Variants in NCEH1 observed in about 807,000 individuals in gnomAD.
The protein encoded by NCEH1 is 2-acetyl MAGE hydrolase.
NCEH1 carries 9 observed loss-of-function variants against 25.4 expected under a neutral mutation model. That is an observed-to-expected ratio of 0.35 (90% CI 0.21 to 0.62). NCEH1 has a LOEUF of 0.62. Among genes scored for constraint, NCEH1 ranks in the 20% least tolerant of loss-of-function variants. The pLI is 0.72. For synonymous variants in NCEH1, 200 were observed against 199.8 expected (o/e 1.00, Z -0.01); for missense variants, 412 against 501.1 (o/e 0.82, Z 1.70).
At chr3:172,687,521 C>T (rs193018394) in intron 1 of NCEH1, among the ~76,000 whole-genome samples, 2 of 152,312 alleles carry the variant, frequency 1.3e-5, no homozygotes, top group East Asian at 3.9e-4. Context: ...ATTAAATGAG[C>T]TTTCTGTAGA....
In NCEH1 at chr3:172,683,162, G is replaced by T. The variant is rs554775258; in HGVS notation, c.138+27685C>A. Among the ~76,000 whole-genome samples the T allele has an allele frequency of 5.9e-4, 38 of 64,678 alleles. 10 individuals carry two copies. In the South Asian group the frequency reaches 0.022, roughly 37 times the overall value. 42.4% of individuals were successfully genotyped at this position (64,678 alleles called of 152,430 possible). A position where few individuals can be genotyped will look rare whatever the true frequency, so the allele number is the denominator to read the frequency against. ...CTCACGCCTGTAATCCCAGCACTTT[G>T]GGAGGCCGAGGCGGGCGGATCACGA... On this transcript the variant is annotated intron_variant, in intron 1 of 4. Coordinates refer to ENST00000475381, the MANE Select transcript of NCEH1 (RefSeq NM_020792.6).
chr3:172,700,429 A>G (rs1165503362), intron 1 of NCEH1, among the ~76,000 whole-genome samples: 1 of 152,230 alleles, frequency 6.6e-6, no homozygotes, highest in East Asian at 1.9e-4. Flanking sequence ...CTCACAGCAT[A>G]GCCCAGCAGG....
In NCEH1 at chr3:172,643,493, C is replaced by T. The variant is rs576444987; in HGVS notation, c.437+2130G>A. On this transcript the variant is annotated intron_variant, in intron 3 of 4. Transcript: ENST00000475381. ...TTGACTGCCATATGCTCATGCCTCCCATCTGGACACCATGTTGTATAGATT... is the reference window on the plus strand; with the variant it reads ...TTGACTGCCATATGCTCATGCCTCCTATCTGGACACCATGTTGTATAGATT... Among the ~76,000 whole-genome samples, 10 of 152,316 alleles carry T rather than the reference C, an allele frequency of 6.6e-5. No homozygotes were observed. In the East Asian group the frequency reaches 1.7e-3, roughly 26 times the overall value.
chr3:172,674,032 C>A (rs879305790), intron 1 of NCEH1, among the ~76,000 whole-genome samples: 3 of 152,202 alleles, frequency 2.0e-5, no homozygotes, highest in Non-Finnish European at 4.4e-5. Flanking sequence ...CCTCTCTAAG[C>A]TCACTTCCCA....
At chr3:172,704,978 T>G (rs1177081244) in intron 1 of NCEH1, among the ~76,000 whole-genome samples, 2 of 152,246 alleles carry the variant, frequency 1.3e-5, no homozygotes, top group African/African-American at 4.8e-5. Context: ...ATGTTAAGTC[T>G]AGGTAACTGA....
At chr3:172,696,372 A>G (rs891589486) in intron 1 of NCEH1, among the ~76,000 whole-genome samples, 7 of 152,246 alleles carry the variant, frequency 4.6e-5, no homozygotes, top group African/African-American at 1.7e-4. Flanking sequence ...GATAAAAGAA[A>G]AAAAAAATTA....
At chr3:172,667,620 G>T (rs990324172) in intron 1 of NCEH1, among the ~76,000 whole-genome samples, 3 of 152,204 alleles carry the variant, frequency 2.0e-5, no homozygotes, top group African/African-American at 7.2e-5. Context: ...AGGGAAAACA[G>T]TCGAACACTC....
chr3:172,699,511 G>A (rs963910300), intron 1 of NCEH1, among the ~76,000 whole-genome samples: 1 of 152,208 alleles, frequency 6.6e-6, no homozygotes, highest in African/African-American at 2.4e-5. Flanking sequence ...ATGTGTGCAA[G>A]TCAAATAAAT....
intron 3 of NCEH1, among the ~76,000 whole-genome samples, chr3:172,644,131 C>G (rs939014716): frequency 4.0e-5 from 6 of 151,560 alleles, no homozygotes; most frequent in Non-Finnish European, 7.4e-5. Context: ...TTTTGGGTGA[C>G]TCTAGGGCTT....
At chr3:172,700,748 T>G (rs80334619) in intron 1 of NCEH1, among the ~76,000 whole-genome samples, 4,985 of 152,226 alleles carry the variant, frequency 0.033, 228 homozygotes, top group African/African-American at 0.1. Context: ...TGGGATTACA[T>G]GTGTGAGCCA....
Position 172,631,103 on chromosome 3 carries a change from G to A in NCEH1, c.*2372C>T, listed in dbSNP as rs1716327277. On this transcript the variant is annotated 3_prime_UTR_variant, in exon 5 of 5. Transcript: ENST00000475381. ...ACAATGAAACTCAAGTACATTATCA[G>A]AAACAGTGGTTGACCTCTTTTTTCC... 6.8e-6 allele frequency: 1 copy of A among 147,632 alleles called. No homozygotes were observed. The highest frequency in any genetic ancestry group is 1.5e-5 in the Non-Finnish European group (1 of 65,522). The allele number at this position is 147,632 out of a possible 1,614,324, so 9.1% of individuals were successfully genotyped here. A position where few individuals can be genotyped will look rare whatever the true frequency, so the allele number is the denominator to read the frequency against.
intron 1 of NCEH1, among the ~76,000 whole-genome samples, chr3:172,655,510 G>A (rs998974418): frequency 2.0e-5 from 3 of 152,180 alleles, no homozygotes; most frequent in African/African-American, 7.2e-5. Context: ...CAGAAGGCTG[G>A]AGAAGGAGAG....
At chr3:172,638,275 C>CAAAAAAAAAAA (rs1560178436) in intron 3 of NCEH1, among the ~76,000 whole-genome samples, 2 of 81,900 alleles carry the variant, frequency 2.4e-5, no homozygotes, top group African/African-American at 8.2e-5. Context: ...GAGACTCTGT[C>CAAAAAAAAAAA]CAAAAAAAAA....
chr3:172,667,441 C>T (rs1289080585), intron 1 of NCEH1, among the ~76,000 whole-genome samples: 1 of 152,232 alleles, frequency 6.6e-6, no homozygotes, highest in East Asian at 1.9e-4. Context: ...AGGCAGATCA[C>T]ACAGGTTTAG....
chr3:172,700,186 G>A (rs1260557398), intron 1 of NCEH1, among the ~76,000 whole-genome samples: 1 of 152,058 alleles, frequency 6.6e-6, no homozygotes, highest in African/African-American at 2.4e-5. Flanking sequence ...CATCAGAGTT[G>A]GCATTCTATT....
intron 1 of NCEH1, among the ~76,000 whole-genome samples, chr3:172,660,889 A>T (rs1717943736): frequency 1.3e-5 from 2 of 152,162 alleles, no homozygotes; most frequent in South Asian, 4.2e-4. Flanking sequence ...GTCAGATGGG[A>T]AGATTGTAAA....
At position 172,657,153 on chromosome 3, in the gene NCEH1, G is replaced by A. The variant is rs187524192; in HGVS notation, c.139-9039C>T. 1.8e-3 allele frequency among the ~76,000 whole-genome samples: 278 copies of A among 152,124 alleles called. 1 individual carries two copies. Among genetic ancestry groups the A allele is most frequent in the African/African-American group, 6.4e-3 (266 of 41,482 alleles). On this transcript the variant is annotated intron_variant, in intron 1 of 4. Coordinates refer to ENST00000475381, the MANE Select transcript of NCEH1 (RefSeq NM_020792.6). Reference sequence around the variant, plus strand: ...ACTTCACAATTCCTTCTTTCCTTGAGCAAGCCAATGTACTATCATGGCAAA... The same window carrying A: ...ACTTCACAATTCCTTCTTTCCTTGAACAAGCCAATGTACTATCATGGCAAA...
chr3:172,667,705 T>G (rs1718287215), intron 1 of NCEH1, among the ~76,000 whole-genome samples: 1 of 152,164 alleles, frequency 6.6e-6, no homozygotes, highest in African/African-American at 2.4e-5. Context: ...CACTTCTTTT[T>G]CTAGATGGGT....
At chr3:172,686,894 C>T (rs1197698419) in intron 1 of NCEH1, among the ~76,000 whole-genome samples, 1 of 152,030 alleles carries the variant, frequency 6.6e-6, no homozygotes, top group African/African-American at 2.4e-5. Context: ...CCCATTTTTT[C>T]TTGGGGGAGG....
Sources: gnomAD v4.1 joint callset for allele counts (sites outside exome capture counted in the v4.1 genomes callset) on GRCh38, gnomAD v4.1.1 for gene constraint, MANE v1.5 for transcripts, NCBI Gene and HGNC (gene_info 2026-07-23, HGNC 2026-07-21) for gene names.